CAMK2D: variants seen among roughly 807,000 people sequenced by gnomAD.
CAMK2D encodes calcium/calmodulin dependent protein kinase II delta, also known as calcium/calmodulin-dependent protein kinase type II subunit delta.
Under a neutral mutation model 84.0 loss-of-function variants are expected in CAMK2D, and 37 were observed. That is an observed-to-expected ratio of 0.44 (90% CI 0.34 to 0.58). The LOEUF (loss-of-function observed/expected upper bound fraction) is 0.58. CAMK2D is among the 20% of genes least tolerant of loss of function. The probability of loss-of-function intolerance (pLI) is 0.02; values close to 1 mark genes in which losing one functional copy is unlikely to be tolerated. For synonymous variants in CAMK2D, 202 were observed against 212.5 expected (o/e 0.95, Z 0.43); for missense variants, 448 against 652.5 (o/e 0.69, Z 3.41).
intron 16 of CAMK2D, among the ~76,000 whole-genome samples, chr4:113,485,231 T>C (rs887383768): frequency 6.6e-6 from 1 of 152,212 alleles, no homozygotes; most frequent in African/African-American, 2.4e-5. Flanking sequence ...GGTAAGTCTT[T>C]GGTAGAAACT....
chr4:113,504,987 T>G lies in CAMK2D; in HGVS notation c.1033A>C (p.Thr345Pro). ...VVTSPKENIP[T>P]PALEPQTTVI... The stretch of plus-strand genomic sequence containing the variant: ...GAGTCCAGGTATACCAGCGCTGGGG[T>G]AGGAATATTTTCTTTGGGGCTGGTT... Residue 345 changes from threonine (T) to proline (P), a missense_variant, in exon 14 of 21, where the codon ACC becomes CCC. This residue lies in a region of CAMK2D where 219 missense variants were observed against 272.1 expected (regional missense o/e 0.80). Transcript: ENST00000511664. The G allele has an allele frequency of 6.4e-7, 1 of 1,568,652 alleles. No individual in the cohort carries two copies.
chr4:113,715,317 C>G (rs528191862), intron 2 of CAMK2D, among the ~76,000 whole-genome samples: 4 of 151,982 alleles, frequency 2.6e-5, no homozygotes, highest in African/African-American at 9.7e-5. Flanking sequence ...GAGCATTCTT[C>G]TCTTCTTCCT....
At chr4:113,543,197 G>T (rs2098542816) in intron 6 of CAMK2D, among the ~76,000 whole-genome samples, 1 of 152,010 alleles carries the variant, frequency 6.6e-6, no homozygotes, top group East Asian at 1.9e-4. Context: ...GTATTCTCCA[G>T]GTTCTTAAAT....
chr4:113,463,840 A>G (rs2097423015), intron 17 of CAMK2D, among the ~76,000 whole-genome samples: 1 of 152,182 alleles, frequency 6.6e-6, no homozygotes, highest in Admixed American at 6.5e-5. Flanking sequence ...TGTTGGGCAT[A>G]TACATTGTTT....
chr4:113,628,364 T>C (rs73843441), intron 3 of CAMK2D, among the ~76,000 whole-genome samples: 13,813 of 152,158 alleles, frequency 0.091, 1,886 homozygotes, highest in African/African-American at 0.29. Context: ...ATAAGAAATA[T>C]AGCCTTGTTA....
At chr4:113,460,691 T>TAATA (rs755227031) in intron 17 of CAMK2D, among the ~76,000 whole-genome samples, 6 of 132,904 alleles carry the variant, frequency 4.5e-5, no homozygotes, top group African/African-American at 7.7e-5. Flanking sequence ...TAATAATAAT[T>TAATA]ATTATTATTT....
intron 2 of CAMK2D, among the ~76,000 whole-genome samples, chr4:113,713,753 T>A (rs2099502380): frequency 1.3e-5 from 2 of 151,630 alleles, no homozygotes; most frequent in South Asian, 2.1e-4. Flanking sequence ...CTTTTTCTTA[T>A]CAATATGCAG....
intron 16 of CAMK2D, among the ~76,000 whole-genome samples, chr4:113,473,369 C>G (rs1349240383): frequency 6.6e-6 from 1 of 152,162 alleles, no homozygotes; most frequent in Non-Finnish European, 1.5e-5. Flanking sequence ...CAATTAGCGG[C>G]TTGTTTCTCT....
chr4:113,698,281 T>A (rs1230668764), intron 2 of CAMK2D, among the ~76,000 whole-genome samples: 1 of 152,206 alleles, frequency 6.6e-6, no homozygotes, highest in South Asian at 2.1e-4. Context: ...AATCATTAAG[T>A]CAAACCATCA....
chr4:113,610,994 T>G (rs2098997774), intron 3 of CAMK2D, among the ~76,000 whole-genome samples: 1 of 151,930 alleles, frequency 6.6e-6, no homozygotes, highest in Admixed American at 6.6e-5. Context: ...ATAGAAGGTT[T>G]TGGGATGGAA....
intron 17 of CAMK2D, among the ~76,000 whole-genome samples, chr4:113,460,603 A>T (rs759172196): frequency 5.9e-5 from 9 of 151,822 alleles, no homozygotes; most frequent in Non-Finnish European, 1.3e-4. Flanking sequence ...TCCAAGTCCT[A>T]TTGTCCAAGT....
chr4:113,457,442 T>G lies in CAMK2D; in HGVS notation c.1428A>C (p.Gly476=), dbSNP rs942552395. Residue 476 remains glycine, a synonymous_variant, in exon 19 of 21, where the codon GGA becomes GGC. Coordinates refer to ENST00000511664, the MANE Select transcript of CAMK2D (RefSeq NM_001321571.2). ...CTTCTGACTGCATTGTCTTTGGCAT[T>G]CCACTGCCATCCATGTACTGTGTGA... ...IRLTQYMDGS[G]MPKTMQSEET... is the part of the protein sequence containing the mutation. 1 of 1,613,870 alleles carries G rather than the reference T, an allele frequency of 6.2e-7. No individual in the cohort carries two copies. Among genetic ancestry groups the G allele is most frequent in the Admixed American group, 1.7e-5 (1 of 60,008 alleles).
At chr4:113,728,572 C>G (rs2099553020) in intron 2 of CAMK2D, among the ~76,000 whole-genome samples, 1 of 152,164 alleles carries the variant, frequency 6.6e-6, no homozygotes, top group Non-Finnish European at 1.5e-5. Flanking sequence ...TGAAAATCCA[C>G]TGAATACATT....
At chr4:113,500,420 T>C (rs756687280) in intron 16 of CAMK2D, 43 bp downstream of exon 16, 71 of 1,248,724 alleles carry the variant, frequency 5.7e-5, no homozygotes, top group Non-Finnish European at 7.3e-5. Context: ...TATATATATG[T>C]GAAGCTCTGA....
intron 2 of CAMK2D, among the ~76,000 whole-genome samples, chr4:113,737,745 T>G (rs544762016): frequency 1.3e-5 from 2 of 152,150 alleles, no homozygotes; most frequent in Non-Finnish European, 2.9e-5. Context: ...TTTATAATGC[T>G]TTAGTAATCA....
At chr4:113,522,845 C>G (rs1044288218) in intron 8 of CAMK2D, among the ~76,000 whole-genome samples, 1 of 152,218 alleles carries the variant, frequency 6.6e-6, no homozygotes, top group Non-Finnish European at 1.5e-5. Flanking sequence ...CTGACTAAGA[C>G]AGCAGACTGC....
chr4:113,636,942 A>T (rs895782770), intron 3 of CAMK2D, among the ~76,000 whole-genome samples: 1 of 151,704 alleles, frequency 6.6e-6, no homozygotes, highest in African/African-American at 2.4e-5. Context: ...CAGTCCCCTC[A>T]CTCCACACCA....
chr4:113,538,086 T>C (rs1477540722), intron 6 of CAMK2D, among the ~76,000 whole-genome samples: 2 of 152,194 alleles, frequency 1.3e-5, no homozygotes, highest in Non-Finnish European at 2.9e-5. Context: ...GCTTTTTTTT[T>C]TCTTTATAAG....
chr4:113,758,683 G>A (rs927518902), intron 2 of CAMK2D, among the ~76,000 whole-genome samples: 3 of 152,130 alleles, frequency 2.0e-5, no homozygotes, highest in East Asian at 1.9e-4. Flanking sequence ...TATGTCAACA[G>A]CTATTTTACG....
Sources: allele counts gnomAD v4.1 joint callset (sites outside exome capture counted in the v4.1 genomes callset), GRCh38; gene constraint gnomAD v4.1.1; regional missense constraint gnomAD v4.1.1; transcripts MANE v1.5; gene names NCBI Gene and HGNC (gene_info 2026-07-23, HGNC 2026-07-21).